WBP2NL: variants seen among roughly 807,000 people sequenced by gnomAD.
The protein encoded by WBP2NL is postacrosomal sheath WW domain-binding protein.
WBP2NL carries 27 observed loss-of-function variants against 23.3 expected under a neutral mutation model. That is an observed-to-expected ratio of 1.16 (90% CI 0.85 to 1.60). WBP2NL has a LOEUF of 1.60. Ranked by LOEUF, WBP2NL falls within the 40% of genes most tolerant of loss-of-function variation. WBP2NL has a pLI of 0.00. For missense variants in WBP2NL, 370 were observed against 389.5 expected (o/e 0.95, Z 0.42); for synonymous variants, 151 against 145.9 (o/e 1.03, Z -0.25).
At chr22:42,008,490 A>G (rs530879481) in intron 1 of WBP2NL, among the ~76,000 whole-genome samples, 1 of 151,984 alleles carries the variant, frequency 6.6e-6, no homozygotes, top group African/African-American at 2.4e-5. Context: ...TACAGGCATG[A>G]GCCACCATGC....
At chr22:42,001,298 A>T in intron 1 of WBP2NL, 1 of 690,142 alleles carries the variant, frequency 1.4e-6, no homozygotes, top group Non-Finnish European at 2.7e-6. Context: ...CAACCCAGCA[A>T]CGGCAGTGAC....
Position 42,001,254 on chromosome 22 carries a change from T to C in WBP2NL, c.62+2374T>C, listed in dbSNP as rs1602433924. On this transcript the variant is annotated intron_variant, in intron 1 of 5. Transcript: ENST00000328823. ...CCTTTGCATCCTGACTGCATCATCA[T>C]GTAGCAGCAAATGGTGTTAAATGAA... is the stretch of plus-strand genomic sequence containing the variant. The C allele has an allele frequency of 8.7e-6, 6 of 692,982 alleles. No homozygotes were observed. The East Asian group carries it at 1.3e-4, about 15-fold the overall frequency. The allele number at this position is 692,982 out of a possible 1,614,324, so 42.9% of individuals were successfully genotyped here.
At chr22:42,018,553 T>C (rs1468808713) in intron 1 of WBP2NL, among the ~76,000 whole-genome samples, 1 of 151,806 alleles carries the variant, frequency 6.6e-6, no homozygotes, top group Admixed American at 6.6e-5. Flanking sequence ...ATTTGATGAG[T>C]GACAGTAAGG....
intron 4 of WBP2NL, among the ~76,000 whole-genome samples, chr22:42,020,311 G>GT (rs1923774638): frequency 6.6e-6 from 1 of 151,868 alleles, no homozygotes; most frequent in Non-Finnish European, 1.5e-5. Context: ...AAGTGCTGGG[G>GT]TTACAGGTAT....
At chr22:42,015,198 G>A (rs1923191566) in intron 1 of WBP2NL, among the ~76,000 whole-genome samples, 1 of 152,152 alleles carries the variant, frequency 6.6e-6, no homozygotes, top group Admixed American at 6.5e-5. Context: ...TGTATTCTTT[G>A]TTATTTGTGG....
chr22:42,043,807 A>C (rs1380183140), intron 8 of WBP2NL, among the ~76,000 whole-genome samples: 1 of 151,846 alleles, frequency 6.6e-6, no homozygotes, highest in East Asian at 1.9e-4. Flanking sequence ...GCTCACTGCA[A>C]CCTCCACCTC....
At chr22:42,041,652 T>G (rs1249864802) in intron 8 of WBP2NL, among the ~76,000 whole-genome samples, 1 of 152,156 alleles carries the variant, frequency 6.6e-6, no homozygotes, top group Non-Finnish European at 1.5e-5. Flanking sequence ...ATATTGTGAC[T>G]CTATTACCAA....
At chr22:41,999,452 C>T (rs1325881585) in intron 1 of WBP2NL, among the ~76,000 whole-genome samples, 1 of 152,176 alleles carries the variant, frequency 6.6e-6, no homozygotes, top group African/African-American at 2.4e-5. Flanking sequence ...TTCCTCCTTG[C>T]TCCAACCAGG....
At chr22:42,056,321 G>A (rs1926026794) in intron 8 of WBP2NL, among the ~76,000 whole-genome samples, 1 of 152,078 alleles carries the variant, frequency 6.6e-6, no homozygotes, top group Non-Finnish European at 1.5e-5. Flanking sequence ...CCTTTATGCT[G>A]TTATTGTTAC....
At position 42,027,053 on chromosome 22, in the gene WBP2NL, G is replaced by A. The variant is rs1232572436; in HGVS notation, c.802G>A (p.Gly268Ser). 6.2e-7 allele frequency: 1 copy of A among 1,614,058 alleles called. No individual in the cohort carries two copies. The highest frequency in any genetic ancestry group is 1.3e-5 in the African/African-American group (1 of 74,936). ...TGGAGCCCCACCTGCAGGAAATGAA[G>A]GCCCGCCTGCGGGATACAGAGCCTC... ...GYGAPPAGNE[G>S]PPAGYRASPA... The change falls in exon 6 of 6, where the codon GGC becomes AGC. Residue 268 changes from glycine to serine, a missense_variant. Physicochemically the swap from Gly to Ser is moderately conservative, Grantham distance 56 (BLOSUM62 0). Coordinates refer to ENST00000328823, the MANE Select transcript of WBP2NL (RefSeq NM_152613.3).
At chr22:42,019,231 A>AG in intron 1 of WBP2NL, 80 bp from the exon 2 acceptor site, 1 of 1,423,200 alleles carries the variant, frequency 7.0e-7, no homozygotes, top group Non-Finnish European at 9.7e-7. Flanking sequence ...AAAAAAAAAA[A>AG]AAAATTGCGT....
intron 4 of WBP2NL, 130 bp from the exon 5 acceptor site, chr22:42,022,117 TTG>T: frequency 1.3e-6 from 1 of 743,692 alleles, no homozygotes; most frequent in Admixed American, 2.3e-5. Flanking sequence ...CTTTTTTATC[TTG>T]TGTCTCAAGA....
At chr22:42,022,039 A>G (rs571928022) in intron 4 of WBP2NL, among the ~76,000 whole-genome samples, 5 of 152,102 alleles carry the variant, frequency 3.3e-5, no homozygotes, top group African/African-American at 4.8e-5. Flanking sequence ...GGGTCAAGCA[A>G]TCCTCCCATC....
intron 1 of WBP2NL, chr22:42,003,208 C>G (rs1921877226): frequency 1.4e-5 from 1 of 70,808 alleles, no homozygotes; most frequent in Non-Finnish European, 3.6e-5. Flanking sequence ...TTGGTTCTCT[C>G]CAGAGGGGTA....
At position 42,038,334 on chromosome 22, in the gene WBP2NL, C is replaced by T. The variant is rs371359668; in HGVS notation, c.*273+7511C>T. Reference sequence around the variant, plus strand: ...ATCCTATGGATAAATCCCACTCTATCATGTTGTATAATCATTTTAATGTGC... The same window carrying T: ...ATCCTATGGATAAATCCCACTCTATTATGTTGTATAATCATTTTAATGTGC... On this transcript the variant is annotated intron_variant and NMD_transcript_variant, in intron 8 of 8. Transcript: ENST00000436265. Among the ~76,000 whole-genome samples the T allele has an allele frequency of 2.6e-5, 4 of 152,284 alleles. No homozygotes were observed. The East Asian group carries it at 5.8e-4, about 22-fold the overall frequency.
At chr22:42,005,986 T>C (rs1569445863) in intron 1 of WBP2NL, among the ~76,000 whole-genome samples, 3 of 152,190 alleles carry the variant, frequency 2.0e-5, no homozygotes, top group Admixed American at 2.0e-4. Context: ...GCATTTTCTT[T>C]ATTGACTTTC....
intron 1 of WBP2NL, among the ~76,000 whole-genome samples, chr22:42,002,365 A>G (rs533394591): frequency 6.6e-6 from 1 of 152,190 alleles, no homozygotes; most frequent in African/African-American, 2.4e-5. Context: ...AGTGGATTAC[A>G]TGAGATCAGG....
At chr22:42,000,343 A>G (rs780020609) in intron 1 of WBP2NL, among the ~76,000 whole-genome samples, 4 of 151,836 alleles carry the variant, frequency 2.6e-5, no homozygotes, top group South Asian at 2.1e-4. Flanking sequence ...ATTGCTCACC[A>G]CTCTGACAGT....
intron 5 of WBP2NL, among the ~76,000 whole-genome samples, chr22:42,022,630 A>G (rs1924080931): frequency 6.6e-6 from 1 of 152,246 alleles, no homozygotes. Context: ...TCCTGTTTAT[A>G]GCCTGAGCAG....
Sources: gnomAD v4.1 joint callset for allele counts (sites outside exome capture counted in the v4.1 genomes callset) on GRCh38, gnomAD v4.1.1 for gene constraint, MANE v1.5 for transcripts, NCBI Gene and HGNC (gene_info 2026-07-23, HGNC 2026-07-21) for gene names.